The following ZSCAN1 variants were observed in gnomAD, a reference collection of about 807,000 sequenced individuals.
The protein encoded by ZSCAN1 is zinc finger and SCAN domain-containing protein 1.
ZSCAN1 carries 23 observed loss-of-function variants against 23.8 expected under a neutral mutation model. That is an observed-to-expected ratio of 0.97 (90% confidence interval 0.70 to 1.37). The LOEUF (loss-of-function observed/expected upper bound fraction) is 1.37. Ranked by LOEUF, ZSCAN1 falls within the 40% of genes most tolerant of loss-of-function variation. The probability of loss-of-function intolerance (pLI) is 0.00; values close to 1 mark genes in which losing one functional copy is unlikely to be tolerated. For missense variants in ZSCAN1, 575 were observed against 554.0 expected (o/e 1.04, Z -0.38); for synonymous variants, 236 against 232.3 (o/e 1.02, Z -0.15).
chr19:58,049,848 G>A lies in ZSCAN1; in HGVS notation c.466-2642G>A, dbSNP rs867769029. ...CCTGCTTTTCTTCTTTGTGCATAGC[G>A]ATCTCCTGGCATCTCAGGTATGCAT... On this transcript the variant is annotated intron_variant, in intron 4 of 5. Transcript: ENST00000282326. This position sits in a 1 kb window ranked among gnomAD's most constrained non-coding sequence, Gnocchi z 4.5. Among the ~76,000 whole-genome samples, 7 of 152,182 alleles carry A rather than the reference G, an allele frequency of 4.6e-5. No homozygotes were observed. Among genetic ancestry groups the A allele is most frequent in the South Asian group, 4.1e-4 (2 of 4,830 alleles).
chr19:58,045,255 C>T lies in ZSCAN1; in HGVS notation c.465+4711C>T. 2.5e-6 allele frequency: 2 copies of T among 797,464 alleles called. No individual in the cohort carries two copies. The highest frequency in any genetic ancestry group is 4.6e-6 in the Non-Finnish European group (2 of 434,494). 49.4% of individuals were successfully genotyped at this position (797,464 alleles called of 1,614,324 possible). ...CGTGGTGGTGCCGTTCGTGGAGTTT[C>T]TGCTGCCTGTTGCTGTGAAACTCTT... On this transcript the variant is annotated intron_variant, in intron 4 of 5. Coordinates refer to ENST00000282326, the MANE Select transcript of ZSCAN1 (RefSeq NM_182572.4). This position sits in a 1 kb window ranked among gnomAD's most constrained non-coding sequence, Gnocchi z 4.3.
Position 58,053,147 on chromosome 19 carries a change from C to T in ZSCAN1, c.605-282C>T, listed in dbSNP as rs766986173. Among the ~76,000 whole-genome samples, 2 of 152,016 alleles carry T rather than the reference C, an allele frequency of 1.3e-5. No homozygotes were observed. The highest frequency in any genetic ancestry group is 6.6e-5 in the Admixed American group (1 of 15,262). ...GCTAATTTTTGTATTTTAGTAGAGACGGGGTTTCACCATGTTGGTCAGGCT... is the reference window on the plus strand; with the variant it reads ...GCTAATTTTTGTATTTTAGTAGAGATGGGGTTTCACCATGTTGGTCAGGCT... On this transcript the variant is annotated intron_variant, in intron 5 of 5. Coordinates refer to ENST00000282326, the MANE Select transcript of ZSCAN1 (RefSeq NM_182572.4). The surrounding 1 kb of genome is among the most constrained non-coding windows in gnomAD (Gnocchi z 5.8).
chr19:58,037,334 G>A lies in ZSCAN1; in HGVS notation c.-109-394G>A, dbSNP rs371976642. The stretch of plus-strand genomic sequence containing the variant: ...CCACGGGGCAGGCATTCTTGTTCCC[G>A]CAGCTCGTCAGTCAATGTGTGTTGA... On this transcript the variant is annotated intron_variant, in intron 2 of 5. Transcript: ENST00000282326. Among the ~76,000 whole-genome samples the A allele has an allele frequency of 2.7e-4, 41 of 152,076 alleles. 1 individual carries two copies. The East Asian group carries it at 4.4e-3, about 16-fold the overall frequency.
At chr19:58,055,288 G>A (rs1485468859), downstream of ZSCAN1, among the ~76,000 whole-genome samples, 2 of 151,864 alleles carry the variant, frequency 1.3e-5, no homozygotes, top group African/African-American at 4.8e-5. Flanking sequence ...TGGCCCTCTC[G>A]GGCTGTGCAG....
chr19:58,053,287 G>T lies in ZSCAN1; in HGVS notation c.605-142G>T. ...GCCCTTGTATCTTAAAGGACAGAAC[G>T]GAGGACACAGGGGCCGTATTGAGCA... On this transcript the variant is annotated intron_variant, in intron 5 of 5. Coordinates refer to ENST00000282326, the MANE Select transcript of ZSCAN1 (RefSeq NM_182572.4). The surrounding 1 kb of genome is among the most constrained non-coding windows in gnomAD (Gnocchi z 5.8). 9.5e-7 allele frequency: 1 copy of T among 1,056,590 alleles called. No homozygotes were observed. The highest frequency in any genetic ancestry group is 2.4e-5 in the East Asian group (1 of 40,882). The allele number at this position is 1,056,590 out of a possible 1,614,324, so 65.5% of individuals were successfully genotyped here. A position where few individuals can be genotyped will look rare whatever the true frequency, so the allele number is the denominator to read the frequency against.
chr19:58,041,425 G>A (rs1169251629), intron 4 of ZSCAN1, among the ~76,000 whole-genome samples: 2 of 152,194 alleles, frequency 1.3e-5, no homozygotes, highest in African/African-American at 2.4e-5. Context: ...ACCTCCACAC[G>A]AGGCACTACA....
intron 3 of ZSCAN1, among the ~76,000 whole-genome samples, chr19:58,039,677 A>C (rs2073770689): frequency 6.7e-6 from 1 of 150,244 alleles, no homozygotes; most frequent in Non-Finnish European, 1.5e-5. Context: ...AAGCTGAGGC[A>C]GGAGAATCGC....
intron 4 of ZSCAN1, chr19:58,046,651 AAAG>A (rs66755797): frequency 0.14 from 125,125 of 877,034 alleles, 11,838 homozygotes; most frequent in Middle Eastern, 0.2. Context: ...GCTGGTGGAC[AAAG>A]AAGATGTTCA....
intron 4 of ZSCAN1, chr19:58,044,524 G>T (rs1375073143): frequency 1.1e-5 from 5 of 449,298 alleles, no homozygotes; most frequent in Non-Finnish European, 1.9e-5. Flanking sequence ...GAAGAGCCGC[G>T]GCCGCCGCGG....
Position 58,038,132 on chromosome 19 carries a change from A to C in ZSCAN1, c.296A>C (p.Gln99Pro). 6.2e-7 allele frequency: 1 copy of C among 1,610,080 alleles called. No homozygotes were observed. The highest frequency in any genetic ancestry group is 2.2e-5 in the East Asian group (1 of 44,838). ...ALPSKMRTWV[Q>P]SQGPRSCREA... ...CCCAGCAAGATGCGGACCTGGGTGCAGTCACAGGGCCCCCGAAGCTGCAGG... is the reference window on the plus strand; with the variant it reads ...CCCAGCAAGATGCGGACCTGGGTGCCGTCACAGGGCCCCCGAAGCTGCAGG... The change falls in exon 3 of 6, where the codon CAG becomes CCG. Residue 99 changes from glutamine (Q) to proline (P), a missense_variant. Physicochemically the swap from Gln to Pro is moderately conservative, Grantham distance 76. Coordinates refer to ENST00000282326, the MANE Select transcript of ZSCAN1 (RefSeq NM_182572.4).
chr19:58,052,025 TG>T (rs1326819675), intron 4 of ZSCAN1, among the ~76,000 whole-genome samples: 1 of 152,240 alleles, frequency 6.6e-6, no homozygotes. Context: ...CCACTTCCTC[TG>T]GGCTTGTGGG....
At chr19:58,038,713 CCT>C (rs2073761457) in intron 3 of ZSCAN1, among the ~76,000 whole-genome samples, 1 of 152,262 alleles carries the variant, frequency 6.6e-6, no homozygotes, top group African/African-American at 2.4e-5. Flanking sequence ...TCCCCTCTCC[CCT>C]GACAGGGCTT....
intron 4 of ZSCAN1, among the ~76,000 whole-genome samples, chr19:58,042,406 C>T (rs1179938616): frequency 6.6e-6 from 1 of 151,744 alleles, no homozygotes; most frequent in African/African-American, 2.4e-5. Context: ...TACAGGCGCC[C>T]GCCACCTCCC....
intron 4 of ZSCAN1, among the ~76,000 whole-genome samples, chr19:58,050,005 T>G (rs1230567896): frequency 1.3e-5 from 2 of 152,114 alleles, no homozygotes; most frequent in Non-Finnish European, 2.9e-5. Flanking sequence ...TGTCTGTAGT[T>G]GATTTGTGTG....
intron 3 of ZSCAN1, among the ~76,000 whole-genome samples, chr19:58,039,211 C>G (rs923367623): frequency 6.6e-6 from 1 of 152,184 alleles, no homozygotes; most frequent in Non-Finnish European, 1.5e-5. Context: ...AAGGCAGAAG[C>G]CAGATGAATT....
chr19:58,035,764 T>C (rs1361095213), intron 1 of ZSCAN1, among the ~76,000 whole-genome samples: 3 of 152,168 alleles, frequency 2.0e-5, no homozygotes, highest in Admixed American at 2.0e-4. Flanking sequence ...GTGAGTTGCC[T>C]TTCTGCCACC....
At chr19:58,055,134 TG>T (rs2073883414), downstream of ZSCAN1, among the ~76,000 whole-genome samples, 1 of 152,214 alleles carries the variant, frequency 6.6e-6, no homozygotes, top group African/African-American at 2.4e-5. Flanking sequence ...GGAAACACAG[TG>T]TTGGGCTGAC....
chr19:58,055,063 C>T (rs1431337166), downstream of ZSCAN1, among the ~76,000 whole-genome samples: 4 of 152,176 alleles, frequency 2.6e-5, no homozygotes, highest in Non-Finnish European at 4.4e-5. Flanking sequence ...ACACTCGTCC[C>T]CTTTCAAGCA....
intron 2 of ZSCAN1, among the ~76,000 whole-genome samples, chr19:58,037,216 C>T (rs144363095): frequency 6.6e-6 from 1 of 152,240 alleles, no homozygotes; most frequent in African/African-American, 2.4e-5. Flanking sequence ...AATTCAGTTC[C>T]TATTTCAGGT....
Sources: allele counts gnomAD v4.1 joint callset (sites outside exome capture counted in the v4.1 genomes callset), GRCh38; gene constraint gnomAD v4.1.1; non-coding constraint Gnocchi (gnomAD v3.1); transcripts MANE v1.5; gene names NCBI Gene and HGNC (gene_info 2026-07-23, HGNC 2026-07-21).